The following KCNH2 variants were observed in gnomAD, a reference collection of about 807,000 sequenced individuals.
The protein encoded by KCNH2 is voltage-gated inwardly rectifying potassium channel KCNH2.
KCNH2 carries 35 observed loss-of-function variants against 95.9 expected under a neutral mutation model. The observed-to-expected ratio is 0.37, with a 90% CI of 0.28 to 0.48. The LOEUF (loss-of-function observed/expected upper bound fraction) is 0.48. Ranked by LOEUF, KCNH2 falls within the 20% of genes least tolerant of loss-of-function variation. The probability of loss-of-function intolerance (pLI) is 0.99; values close to 1 mark genes in which losing one functional copy is unlikely to be tolerated. For synonymous variants in KCNH2, 786 were observed against 754.7 expected, an observed-to-expected ratio of 1.04 and a Z score of -0.68; for missense variants, 1,274 against 1,702.9, an observed-to-expected ratio of 0.75 and a Z score of 4.43.
chr7:150,974,849 C>A lies in KCNH2; in HGVS notation c.169G>T (p.Ala57Ser). The change falls in exon 2 of 15, where the codon GCC (alanine) becomes TCC (serine). Residue 57 changes from alanine (A) to serine (S), a missense_variant. This residue lies in a region of KCNH2 where 85 missense variants were observed against 174.7 expected (regional missense o/e 0.49). Coordinates refer to ENST00000262186, the MANE Select transcript of KCNH2 (RefSeq NM_000238.4). Reference protein sequence around the residue: ...GFCELCGYSRAEVMQRPCTCD... With the variant: ...GFCELCGYSRSEVMQRPCTCD... ...GTGCAGGGTCGCTGCATCACCTCGGCCCGCGAGTAGCCGCACAGCTCGCAG... is the reference window on the plus strand; with the variant it reads ...GTGCAGGGTCGCTGCATCACCTCGGACCGCGAGTAGCCGCACAGCTCGCAG... 8.1e-6 allele frequency: 13 copies of A among 1,610,212 alleles called. No homozygotes were observed. Among genetic ancestry groups the A allele is most frequent in the Non-Finnish European group, 1.1e-5 (13 of 1,178,658 alleles).
intron 2 of KCNH2, among the ~76,000 whole-genome samples, chr7:150,970,660 C>T (rs574877658): frequency 1.9e-4 from 29 of 152,288 alleles, no homozygotes; most frequent in African/African-American, 5.1e-4. Context: ...GCAACTGGCT[C>T]GGAAGCAGGG....
Position 150,961,635 on chromosome 7 carries a change from C to T in KCNH2, c.308-1899G>A, listed in dbSNP as rs984404388. 2.6e-5 allele frequency among the ~76,000 whole-genome samples: 4 copies of T among 152,148 alleles called. No individual in the cohort carries two copies. Reference sequence around the variant, plus strand: ...TTTCTACCTCCTAGAGCCTCCCTGGCTCACCCCTACTCCTGATCTCAAACC... The same window carrying T: ...TTTCTACCTCCTAGAGCCTCCCTGGTTCACCCCTACTCCTGATCTCAAACC... On this transcript the variant is annotated intron_variant, in intron 2 of 14. Coordinates refer to ENST00000262186, the MANE Select transcript of KCNH2 (RefSeq NM_000238.4). The surrounding 1 kb of genome is among the most constrained non-coding windows in gnomAD (Gnocchi z 6.2).
intron 4 of KCNH2, 98 bp downstream of exon 4, chr7:150,957,961 C>G (rs1352946970): frequency 1.3e-5 from 12 of 943,380 alleles, no homozygotes; most frequent in Non-Finnish European, 1.7e-5. Flanking sequence ...GCACCCAGGA[C>G]GTAGTGAAAA....
chr7:150,955,499 G>A lies in KCNH2; in HGVS notation c.1128+1792C>T, dbSNP rs1060500667. On this transcript the variant is annotated intron_variant, in intron 5 of 14. Transcript: ENST00000262186. ...CCTGCTCGCCTTCCCGGCTGGGGCC[G>A]CCATGGAGGACTTGGCTCCCTGCAG... 24 of 1,545,964 alleles carry A rather than the reference G, an allele frequency of 1.6e-5. No individual in the cohort carries two copies. Among genetic ancestry groups the A allele is most frequent in the South Asian group, 3.6e-5 (3 of 83,832 alleles).
intron 11 of KCNH2, 63 bp downstream of exon 11, chr7:150,948,381 G>T (rs911982403): frequency 7.4e-7 from 1 of 1,349,228 alleles, no homozygotes; most frequent in Non-Finnish European, 1.0e-6. Flanking sequence ...GGCCCACCCC[G>T]CCTTCCAGCT....
In KCNH2 at chr7:150,958,097, G is replaced by A. The variant is rs1271607538; in HGVS notation, c.878C>T (p.Ala293Val). The change falls in exon 4 of 15, where the codon GCC becomes GTC. Residue 293 changes from alanine (A) to valine (V), a missense_variant. Physicochemically the swap from Ala to Val is moderately conservative, Grantham distance 64 (BLOSUM62 0). This residue lies in a region of KCNH2 where 392 missense variants were observed against 429.9 expected (regional missense o/e 0.91). Transcript: ENST00000262186. ...SSADDIEAMR[A>V]GVLPPPPRHA... ...GCGCGGTGGCGGGGGCAGCACCCCG[G>A]CGCGCATGGCCTCGATGTCGTCGGC... 1.6e-5 allele frequency: 20 copies of A among 1,288,578 alleles called. No individual in the cohort carries two copies. Among genetic ancestry groups the A allele is most frequent in the Non-Finnish European group, 1.9e-5 (19 of 1,022,336 alleles). The allele number at this position is 1,288,578 out of a possible 1,614,324, so 79.8% of individuals were successfully genotyped here. A position where few individuals can be genotyped will look rare whatever the true frequency, so the allele number is the denominator to read the frequency against.
At chr7:150,955,489 G>A (rs199794297) in intron 5 of KCNH2, 27 of 1,549,144 alleles carry the variant, frequency 1.7e-5, no homozygotes, top group African/African-American at 2.7e-5. Context: ...TCGCCTTCCC[G>A]GCTGGGGCCG....
Position 150,945,342 on chromosome 7 carries a change from C to T in KCNH2, c.*23G>A, listed in dbSNP as rs769815527. 7.5e-5 allele frequency: 118 copies of T among 1,577,520 alleles called. No homozygotes were observed. The highest frequency in any genetic ancestry group is 9.4e-5 in the Non-Finnish European group (109 of 1,162,264). On this transcript the variant is annotated 3_prime_UTR_variant, in exon 15 of 15. Transcript: ENST00000262186. This position sits in a 1 kb window ranked among gnomAD's most constrained non-coding sequence, Gnocchi z 5.6. ...AGCGCCTTGATCCCTGGGTGAGCCA[C>T]GTGTCCACACTGGGCAGCCCCACTA...
intron 11 of KCNH2, 49 bp downstream of exon 11, chr7:150,948,395 A>C: frequency 7.0e-7 from 1 of 1,429,252 alleles, no homozygotes; most frequent in South Asian, 1.2e-5. Context: ...TCCAGCTCCC[A>C]GCCTCACCTT....
At chr7:150,951,378 C>A in intron 7 of KCNH2, 70 bp downstream of exon 7, 2 of 1,591,022 alleles carry the variant, frequency 1.3e-6, no homozygotes, top group East Asian at 2.2e-5. Context: ...CGGCTAGCAG[C>A]CTCAGTTTCC....
rs910144481 is a variant in KCNH2 at position 150,946,239 on chromosome 7, A to G, written c.3330+638T>C. Among the ~76,000 whole-genome samples the G allele has an allele frequency of 7.9e-5, 12 of 152,130 alleles. No individual in the cohort carries two copies. The highest frequency in any genetic ancestry group is 1.5e-4 in the Non-Finnish European group (10 of 68,008). Reference sequence around the variant, plus strand: ...CCGCCATCCTGCAGAGGCCAGGAACATGCAGGTCCACCCAGGAGAGGACAA... The same window carrying G: ...CCGCCATCCTGCAGAGGCCAGGAACGTGCAGGTCCACCCAGGAGAGGACAA... On this transcript the variant is annotated intron_variant, in intron 14 of 14. Coordinates refer to ENST00000262186, the MANE Select transcript of KCNH2 (RefSeq NM_000238.4). This position sits in a 1 kb window ranked among gnomAD's most constrained non-coding sequence, Gnocchi z 6.5.
chr7:150,965,520 G>T (rs1257451776), intron 2 of KCNH2, among the ~76,000 whole-genome samples: 3 of 152,154 alleles, frequency 2.0e-5, no homozygotes, highest in Admixed American at 1.3e-4. Flanking sequence ...TCCCTGCACA[G>T]GCGCGTGAGT....
At chr7:150,957,087 C>A (rs1188339401) in intron 5 of KCNH2, among the ~76,000 whole-genome samples, 1 of 152,156 alleles carries the variant, frequency 6.6e-6, no homozygotes, top group East Asian at 1.9e-4. Flanking sequence ...CCTCTCCAGT[C>A]CCCTCTCCAG....
intron 1 of KCNH2, among the ~76,000 whole-genome samples, chr7:150,975,637 A>G (rs1479044456): frequency 6.6e-6 from 1 of 152,192 alleles, no homozygotes; most frequent in Non-Finnish European, 1.5e-5. Context: ...AGGTGTTATT[A>G]TCCTCCTTTT....
In KCNH2 at chr7:150,952,671, T is replaced by C. The variant is rs2116971640; in HGVS notation, c.1311A>G (p.Glu437=). ...YSAAFLLKET[E]EGPPATECGY... ...CACACTCGGTAGCAGGCGGGCCTTC[T>C]TCCGTCTCCTTCAGCAGGAAGGCAG... The change falls in exon 6 of 15, where the codon GAA becomes GAG. Residue 437 remains glutamate (E), a synonymous_variant. Coordinates refer to ENST00000262186, the MANE Select transcript of KCNH2 (RefSeq NM_000238.4). The surrounding 1 kb of genome is among the most constrained non-coding windows in gnomAD (Gnocchi z 7.3). 6.2e-7 allele frequency: 1 copy of C among 1,614,204 alleles called. No homozygotes were observed. The highest frequency in any genetic ancestry group is 8.5e-7 in the Non-Finnish European group (1 of 1,180,030).
At chr7:150,972,055 A>G (rs140484969) in intron 2 of KCNH2, among the ~76,000 whole-genome samples, 109 of 152,236 alleles carry the variant, frequency 7.2e-4, no homozygotes, top group Non-Finnish European at 1.3e-3. Flanking sequence ...CAAGGGGCAC[A>G]GGGCCAGTGA....
intron 5 of KCNH2, among the ~76,000 whole-genome samples, chr7:150,953,605 C>T (rs1801266251): frequency 1.3e-5 from 2 of 152,224 alleles, no homozygotes; most frequent in Admixed American, 1.3e-4. Flanking sequence ...TCACACTCTG[C>T]CTCCTCCACA....
chr7:150,963,870 A>T (rs1801633288), intron 2 of KCNH2, among the ~76,000 whole-genome samples: 1 of 152,210 alleles, frequency 6.6e-6, no homozygotes, highest in African/African-American at 2.4e-5. Context: ...GCCTGGACAC[A>T]TTCCCAGAGT....
At chr7:150,953,370 G>C (rs1342190574) in intron 5 of KCNH2, among the ~76,000 whole-genome samples, 2 of 152,136 alleles carry the variant, frequency 1.3e-5, no homozygotes, top group African/African-American at 4.8e-5. Flanking sequence ...AACCAGGATG[G>C]AGAAAGACCA....
Sources: gnomAD v4.1 joint callset for allele counts (sites outside exome capture counted in the v4.1 genomes callset) on GRCh38, gnomAD v4.1.1 for gene constraint, gnomAD v4.1.1 regional missense constraint, Gnocchi (gnomAD v3.1) non-coding constraint, MANE v1.5 for transcripts, NCBI Gene and HGNC (gene_info 2026-07-23, HGNC 2026-07-21) for gene names.